CDC73: variants seen among roughly 807,000 people sequenced by gnomAD.
CDC73 encodes cell division cycle 73, also known as parafibromin.
In CDC73, 21 loss-of-function variants were observed where a neutral mutation model predicts 83.7. That is an observed-to-expected ratio of 0.25 (90% CI 0.18 to 0.36). The LOEUF is 0.36. CDC73 is among the 10% of genes least tolerant of loss of function. CDC73 has a pLI of 1.00. For synonymous variants in CDC73, 224 were observed against 212.9 expected (o/e 1.05, Z -0.45); for missense variants, 342 against 653.3 (o/e 0.52, Z 5.19).
intron 10 of CDC73, among the ~76,000 whole-genome samples, chr1:193,152,889 C>T (rs1460860357): frequency 6.6e-6 from 1 of 152,144 alleles, no homozygotes; most frequent in African/African-American, 2.4e-5. Context: ...ACGCCATTCT[C>T]CTGCCTCAGC....
rs571231889 is a variant in CDC73 at position 193,129,568 on chromosome 1, G to C, written c.238-606G>C. ...GTTGCCCAGGCCGGAGTGCAGTGGT[G>C]CAGTCTCGGCTCACTGAAACGCCTG... is the stretch of plus-strand genomic sequence containing the variant. On this transcript the variant is annotated intron_variant, in intron 2 of 16. Coordinates refer to ENST00000367435, the MANE Select transcript of CDC73 (RefSeq NM_024529.5). Among the ~76,000 whole-genome samples the C allele has an allele frequency of 7.2e-4, 109 of 151,720 alleles. 1 individual carries two copies. The highest frequency in any genetic ancestry group is 4.8e-4 in the African/African-American group (20 of 41,338).
Position 193,251,245 on chromosome 1 carries a change from C to G in CDC73, c.*533C>G, listed in dbSNP as rs1360108375. 4.3e-6 allele frequency: 1 copy of G among 232,382 alleles called. No homozygotes were observed. Among genetic ancestry groups the G allele is most frequent in the Non-Finnish European group, 8.5e-6 (1 of 117,302 alleles). The allele number at this position is 232,382 out of a possible 1,614,324, so 14.4% of individuals were successfully genotyped here. A position where few individuals can be genotyped will look rare whatever the true frequency, so the allele number is the denominator to read the frequency against. On this transcript the variant is annotated 3_prime_UTR_variant, in exon 17 of 17. Coordinates refer to ENST00000367435, the MANE Select transcript of CDC73 (RefSeq NM_024529.5). ...AAAAAGAATAATGAAAAATCTAGAT[C>G]AATTCTTCAATTTGATTGAACTGTT... is the stretch of plus-strand genomic sequence containing the variant.
At chr1:193,199,384 C>G (rs1677052172) in intron 10 of CDC73, among the ~76,000 whole-genome samples, 1 of 151,882 alleles carries the variant, frequency 6.6e-6, no homozygotes, top group Non-Finnish European at 1.5e-5. Flanking sequence ...CAAAATGAGG[C>G]CTGATCCCTT....
intron 6 of CDC73, among the ~76,000 whole-genome samples, chr1:193,139,239 G>T (rs1285920720): frequency 6.6e-6 from 1 of 151,478 alleles, no homozygotes; most frequent in Non-Finnish European, 1.5e-5. Context: ...TTAGTCTCCA[G>T]CATTGTAGTT....
intron 13 of CDC73, among the ~76,000 whole-genome samples, chr1:193,221,671 AAG>A (rs1677472424): frequency 6.6e-6 from 1 of 152,228 alleles, no homozygotes; most frequent in Non-Finnish European, 1.5e-5. Context: ...TGAATAGTGA[AAG>A]AAATCACAAA....
chr1:193,238,501 A>C (rs192823091), intron 15 of CDC73, among the ~76,000 whole-genome samples: 1 of 152,066 alleles, frequency 6.6e-6, no homozygotes, highest in South Asian at 2.1e-4. Context: ...ACTCCTTTTT[A>C]AGTTACTTTC....
chr1:193,197,886 C>T (rs1677028552), intron 10 of CDC73, among the ~76,000 whole-genome samples: 1 of 144,642 alleles, frequency 6.9e-6, no homozygotes, highest in African/African-American at 2.6e-5. Context: ...GATTGCGCCA[C>T]TGCACTCCAG....
chr1:193,178,683 A>G (rs1676654314), intron 10 of CDC73, among the ~76,000 whole-genome samples: 1 of 152,182 alleles, frequency 6.6e-6, no homozygotes, highest in Non-Finnish European at 1.5e-5. Flanking sequence ...AATTAAGTGA[A>G]AGACAGGCTT....
In CDC73 at chr1:193,136,418, GATA is replaced by G. The variant is rs781222681; in HGVS notation, c.423+832_423+834del. ...AGAAATGGATCTGATATTTTTAAGAGATAATGATGATAATTGATTCATTGTTAT... is the reference window on the plus strand; with the variant it reads ...AGAAATGGATCTGATATTTTTAAGAGATGATGATAATTGATTCATTGTTAT... On this transcript the variant is annotated intron_variant, in intron 5 of 16. Transcript: ENST00000367435. 2.6e-4 allele frequency: 59 copies of G among 228,518 alleles called. 1 individual carries two copies. Among genetic ancestry groups the G allele is most frequent in the East Asian group, 1.4e-3 (9 of 6,556 alleles). 14.2% of individuals were successfully genotyped at this position (228,518 alleles called of 1,614,324 possible). A position where few individuals can be genotyped will look rare whatever the true frequency, so the allele number is the denominator to read the frequency against.
chr1:193,238,932 G>T (rs908328985), intron 15 of CDC73, among the ~76,000 whole-genome samples: 2 of 152,140 alleles, frequency 1.3e-5, no homozygotes, highest in Non-Finnish European at 2.9e-5. Context: ...ATGTATAAAT[G>T]AACCCACTCA....
chr1:193,149,839 ATTATTTAAAAAAAATACGT>A (rs1676074594), intron 8 of CDC73, among the ~76,000 whole-genome samples: 3 of 152,158 alleles, frequency 2.0e-5, no homozygotes, highest in Non-Finnish European at 4.4e-5. Flanking sequence ...GCCTTTTCTA[ATTATTTAAAAAAAATACGT>A]CTTCAGTCTT....
chr1:193,237,486 T>TGATA (rs1677781862), intron 15 of CDC73, among the ~76,000 whole-genome samples: 1 of 152,262 alleles, frequency 6.6e-6, no homozygotes, highest in South Asian at 2.1e-4. Flanking sequence ...ACCCGGAGCC[T>TGATA]GATAGCAAAG....
chr1:193,150,568 A>G (rs1169914920), intron 9 of CDC73, among the ~76,000 whole-genome samples, 186 bp downstream of exon 9: 2 of 152,184 alleles, frequency 1.3e-5, no homozygotes, highest in African/African-American at 4.8e-5. Context: ...TGTATTTTAT[A>G]TATGGCTGCT....
At chr1:193,150,862 A>G (rs10754048) in intron 9 of CDC73, among the ~76,000 whole-genome samples, 103,726 of 152,124 alleles carry the variant, frequency 0.68, 35,859 homozygotes, top group South Asian at 0.82. Flanking sequence ...TAAATATTGA[A>G]TTCCCAGAAT....
At chr1:193,148,062 T>G in intron 8 of CDC73, 97 bp downstream of exon 8, 1 of 843,880 alleles carries the variant, frequency 1.2e-6, no homozygotes, top group Non-Finnish European at 2.0e-6. Flanking sequence ...TTAAAATCAG[T>G]GGATTCTAAA....
chr1:193,137,976 C>T (rs1675830222), intron 5 of CDC73, 109 bp from the exon 6 acceptor site: 1 of 804,452 alleles, frequency 1.2e-6, no homozygotes, highest in South Asian at 1.4e-5. Context: ...ACACTGATAC[C>T]TAGAATTGTA....
intron 15 of CDC73, among the ~76,000 whole-genome samples, chr1:193,240,274 T>C (rs982644252): frequency 2.6e-5 from 4 of 152,176 alleles, no homozygotes; most frequent in African/African-American, 9.7e-5. Context: ...GTTGATGGAT[T>C]TAGGTTGATT....
intron 10 of CDC73, chr1:193,161,067 C>T (rs1245170305): frequency 5.9e-6 from 1 of 169,234 alleles, no homozygotes; most frequent in Admixed American, 6.4e-5. Flanking sequence ...TTTCCCCTCC[C>T]CCATCCTACC....
intron 13 of CDC73, among the ~76,000 whole-genome samples, chr1:193,228,763 T>G (rs1025156942): frequency 7.5e-6 from 1 of 133,196 alleles, no homozygotes; most frequent in Non-Finnish European, 1.5e-5. Context: ...TTTGAAATAG[T>G]TTTTTTTTTG....
Sources: gnomAD v4.1 joint callset for allele counts (sites outside exome capture counted in the v4.1 genomes callset) on GRCh38, gnomAD v4.1.1 for gene constraint, MANE v1.5 for transcripts, NCBI Gene and HGNC (gene_info 2026-07-23, HGNC 2026-07-21) for gene names.